FAM91A1: variants seen among roughly 807,000 people sequenced by gnomAD.
FAM91A1 encodes the protein family with sequence similarity 91 member A1, also known as protein FAM91A1.
In FAM91A1, 41 loss-of-function variants were observed where a neutral mutation model predicts 113.5. The observed-to-expected ratio is 0.36, with a 90% CI of 0.28 to 0.47. The LOEUF is 0.47. FAM91A1 is among the 20% of genes least tolerant of loss of function. FAM91A1 has a pLI of 1.00. For missense variants in FAM91A1, 696 were observed against 1,001.2 expected, an observed-to-expected ratio of 0.70 and a Z score of 4.11; for synonymous variants, 307 against 347.9, an observed-to-expected ratio of 0.88 and a Z score of 1.31.
At chr8:123,780,153 A>T in intron 7 of FAM91A1, 78 bp downstream of exon 7, 1 of 1,207,004 alleles carries the variant, frequency 8.3e-7, no homozygotes, top group South Asian at 1.3e-5. Flanking sequence ...GCAATTACTT[A>T]TCAAGTAGGT....
chr8:123,799,445 C>T, intron 16 of FAM91A1, 75 bp from the exon 17 acceptor site: 1 of 1,338,458 alleles, frequency 7.5e-7, no homozygotes, highest in Non-Finnish European at 1.0e-6. Flanking sequence ...AAGGGATTTG[C>T]TGTTTATAAG....
At chr8:123,780,672 A>G (rs1294247259) in intron 8 of FAM91A1, 130 bp downstream of exon 8, 3 of 654,824 alleles carry the variant, frequency 4.6e-6, no homozygotes, top group Non-Finnish European at 7.4e-6. Context: ...ATTACATTTT[A>G]ACATAGTACA....
chr8:123,798,298 C>G, intron 16 of FAM91A1, 60 bp downstream of exon 16: 2 of 1,554,256 alleles, frequency 1.3e-6, no homozygotes, highest in Non-Finnish European at 1.7e-6. Flanking sequence ...GTTTTGTTTT[C>G]TTCTCTATCT....
At chr8:123,797,496 A>G (rs2130125859) in intron 15 of FAM91A1, among the ~76,000 whole-genome samples, 1 of 152,182 alleles carries the variant, frequency 6.6e-6, no homozygotes, top group Admixed American at 6.5e-5. Flanking sequence ...CCTCCTCTTC[A>G]GCCTATTTAC....
chr8:123,798,076 T>C lies in FAM91A1; in HGVS notation c.1412-14T>C. ...CAGTCTTTTATTCTGTGTGTGTGCT[T>C]GATCATAACTCAGGTTTTCCTCTGG... On this transcript the variant is annotated splice_polypyrimidine_tract_variant and intron_variant, in intron 15 of 23. Coordinates refer to ENST00000334705, the MANE Select transcript of FAM91A1 (RefSeq NM_144963.4). The C allele has an allele frequency of 6.2e-7, 1 of 1,608,076 alleles. No individual in the cohort carries two copies. The highest frequency in any genetic ancestry group is 1.1e-5 in the South Asian group (1 of 90,496).
intron 1 of FAM91A1, 99 bp downstream of exon 1, chr8:123,768,873 T>G (rs950311032): frequency 4.9e-6 from 6 of 1,228,136 alleles, no homozygotes; most frequent in Non-Finnish European, 7.0e-6. Flanking sequence ...TGCTGCCGGC[T>G]GACTCCCTTC....
chr8:123,810,142 A>G, intron 22 of FAM91A1, 140 bp from the exon 23 acceptor site: 1 of 741,796 alleles, frequency 1.3e-6, no homozygotes, highest in South Asian at 2.3e-5. Flanking sequence ...GATGAGAAAC[A>G]CTGAAATTGT....
At chr8:123,809,674 A>G (rs1177577660) in intron 22 of FAM91A1, among the ~76,000 whole-genome samples, 3 of 152,228 alleles carry the variant, frequency 2.0e-5, no homozygotes, top group Non-Finnish European at 4.4e-5. Context: ...CTTATTTTAG[A>G]AAATGAAGTT....
In FAM91A1 at chr8:123,797,921, C is replaced by G. The variant is rs546892273; in HGVS notation, c.1412-169C>G. On this transcript the variant is annotated intron_variant, in intron 15 of 23. Transcript: ENST00000334705. Reference sequence around the variant, plus strand: ...AGAATAAAACATTTTAGCTTTGCATCTCAAAGTGTCTTGGTGGTCTCCTAG... The same window carrying G: ...AGAATAAAACATTTTAGCTTTGCATGTCAAAGTGTCTTGGTGGTCTCCTAG... Among the ~76,000 whole-genome samples, 8 of 152,018 alleles carry G rather than the reference C, an allele frequency of 5.3e-5. No individual in the cohort carries two copies. The South Asian group carries it at 1.7e-3, about 32-fold the overall frequency.
chr8:123,797,952 T>A, intron 15 of FAM91A1, 138 bp from the exon 16 acceptor site: 1 of 941,688 alleles, frequency 1.1e-6, no homozygotes, highest in Non-Finnish European at 1.6e-6. Context: ...CCTAGGAAAT[T>A]TGGTACTTCT....
intron 16 of FAM91A1, among the ~76,000 whole-genome samples, chr8:123,798,883 G>C (rs1815609103): frequency 6.6e-6 from 1 of 152,148 alleles, no homozygotes; most frequent in Admixed American, 6.5e-5. Flanking sequence ...CTGCCTCAGT[G>C]AGCATCCTGT....
At chr8:123,812,387 T>TTGGTGG in intron 23 of FAM91A1, 132 bp from the exon 24 acceptor site, 14 of 643,762 alleles carry the variant, frequency 2.2e-5, no homozygotes, top group South Asian at 1.1e-4. Flanking sequence ...AGTGTAGATC[T>TTGGTGG]TTGCATCTCC....
chr8:123,806,147 G>C lies in FAM91A1; in HGVS notation c.1950G>C (p.Gln650His), dbSNP rs545357572. ...LQILRNRVDL[Q>H]HLCGYVTMLN... ...TACTAAGGAACAGAGTGGACTTACA[G>C]CATCTCTGTGGATATGTCACCATGT... Residue 650 changes from glutamine (Q) to histidine (H), a missense_variant, in exon 20 of 24, where the codon CAG (glutamine) becomes CAC (histidine). By Grantham distance (24) the Gln-to-His change is conservative (BLOSUM62 0). Transcript: ENST00000334705. 23 of 1,613,442 alleles carry C rather than the reference G, an allele frequency of 1.4e-5. No homozygotes were observed. Among genetic ancestry groups the C allele is most frequent in the Middle Eastern group, 3.3e-4 (2 of 6,036 alleles).
chr8:123,807,320 C>T lies in FAM91A1; in HGVS notation c.2033-952C>T, dbSNP rs183852269. On this transcript the variant is annotated intron_variant, in intron 20 of 23. Transcript: ENST00000334705. ...TCATTCCACAAACATTTATGGAATA[C>T]CTGCTTAGGTGCTGGAGCAATTTAA... 7.2e-5 allele frequency among the ~76,000 whole-genome samples: 11 copies of T among 151,898 alleles called. No individual in the cohort carries two copies. In the East Asian group the frequency reaches 2.1e-3, roughly 29 times the overall value.
intron 18 of FAM91A1, 75 bp downstream of exon 18, chr8:123,799,960 G>T: frequency 8.7e-7 from 1 of 1,145,766 alleles, no homozygotes. Flanking sequence ...ATATTGAGTT[G>T]CAATAAAATG....
In FAM91A1 at chr8:123,785,921, G is replaced by T. The variant is rs1439905318; in HGVS notation, c.962+180G>T. 3 of 482,654 alleles carry T rather than the reference G, an allele frequency of 6.2e-6. No homozygotes were observed. The East Asian group carries it at 1.4e-4, about 22-fold the overall frequency. The allele number at this position is 482,654 out of a possible 1,614,324, so 29.9% of individuals were successfully genotyped here. A position where few individuals can be genotyped will look rare whatever the true frequency, so the allele number is the denominator to read the frequency against. Reference sequence around the variant, plus strand: ...CAACCTCCACCTCCCCGTTTCAAGCGATTTTCATGCCTCAGCCTCCTGAGT... The same window carrying T: ...CAACCTCCACCTCCCCGTTTCAAGCTATTTTCATGCCTCAGCCTCCTGAGT... On this transcript the variant is annotated intron_variant, in intron 11 of 23. Transcript: ENST00000334705.
intron 14 of FAM91A1, chr8:123,788,309 T>A (rs1023313872): frequency 1.8e-5 from 16 of 903,308 alleles, no homozygotes; most frequent in Non-Finnish European, 2.1e-5. Flanking sequence ...ATTGGTGTTT[T>A]TCATTCTTCG....
chr8:123,795,159 G>C (rs1260122625), intron 15 of FAM91A1, among the ~76,000 whole-genome samples: 1 of 152,114 alleles, frequency 6.6e-6, no homozygotes, highest in African/African-American at 2.4e-5. Context: ...GCTAGCAAAG[G>C]ATGGTTTAAT....
In FAM91A1 at chr8:123,787,770, A is replaced by G. The variant is rs1815293974; in HGVS notation, c.1278+20A>G. ...GAAAAGGTAAATGTAGATTGCATGT[A>G]AGGGGATGTTAGGGCATTTGGAATC... On this transcript the variant is annotated intron_variant, in intron 14 of 23. Transcript: ENST00000334705. 1 of 1,586,006 alleles carries G rather than the reference A, an allele frequency of 6.3e-7. No homozygotes were observed. The highest frequency in any genetic ancestry group is 1.7e-5 in the Admixed American group (1 of 57,148).
Sources: gnomAD v4.1 joint callset for allele counts (sites outside exome capture counted in the v4.1 genomes callset) on GRCh38, gnomAD v4.1.1 for gene constraint, MANE v1.5 for transcripts, NCBI Gene and HGNC (gene_info 2026-07-23, HGNC 2026-07-21) for gene names.